SIRPG: variants seen among roughly 807,000 people sequenced by gnomAD.
The protein encoded by SIRPG is signal-regulatory protein gamma.
SIRPG carries 38 observed loss-of-function variants against 35.7 expected under a neutral mutation model. That is an observed-to-expected ratio of 1.06 (90% CI 0.82 to 1.40). The LOEUF is 1.40. Ranked by LOEUF, SIRPG falls within the 40% of genes most tolerant of loss-of-function variation. The probability of loss-of-function intolerance (pLI) is 0.00; values close to 1 mark genes in which losing one functional copy is unlikely to be tolerated. For missense variants in SIRPG, 519 were observed against 483.0 expected (o/e 1.07, Z -0.70); for synonymous variants, 215 against 190.4 (o/e 1.13, Z -1.06).
At chr20:1,667,730 G>T in the SIRPG span, among the ~76,000 whole-genome samples, 1 of 152,196 alleles carries the variant, frequency 6.6e-6, no homozygotes, top group Non-Finnish European at 1.5e-5. Flanking sequence ...GTATATGCTT[G>T]TTCATACATT....
intron 2 of SIRPG, among the ~76,000 whole-genome samples, chr20:1,642,817 T>C (rs1421089633): frequency 6.6e-6 from 1 of 152,240 alleles, no homozygotes; most frequent in East Asian, 1.9e-4. Flanking sequence ...GTATTTCTCC[T>C]TCACATATGA....
At position 1,635,377 on chromosome 20, in the gene SIRPG, T is replaced by C. The variant is rs1172046249; in HGVS notation, c.971A>G (p.Asp324Gly). Residue 324 changes from aspartate (D) to glycine (G), a missense_variant, in exon 4 of 6, where the codon GAT becomes GGT. Transcript: ENST00000303415. ...FLVNISDQRD[D>G]VVLTCQVKHD... ...CTTCACCTGGCAGGTGAGGACCACA[T>C]CATCCCTTTGGTCAGATATGTTCAC... 2 of 1,614,168 alleles carry C rather than the reference T, an allele frequency of 1.2e-6. No individual in the cohort carries two copies. The highest frequency in any genetic ancestry group is 4.5e-5 in the East Asian group (2 of 44,874).
intron 2 of SIRPG, among the ~76,000 whole-genome samples, chr20:1,641,092 A>G (rs576151932): frequency 6.6e-6 from 1 of 152,292 alleles, no homozygotes; most frequent in South Asian, 2.1e-4. Context: ...TGTCTCTGCC[A>G]GGCTTTGGCA....
chr20:1,665,678 C>G, the SIRPG span, among the ~76,000 whole-genome samples: 1 of 152,320 alleles, frequency 6.6e-6, no homozygotes, highest in East Asian at 1.9e-4. Flanking sequence ...GGACTTGTTT[C>G]TGAAAGGAGT....
the SIRPG span, among the ~76,000 whole-genome samples, chr20:1,664,729 G>A: frequency 6.6e-6 from 1 of 152,154 alleles, no homozygotes; most frequent in Non-Finnish European, 1.5e-5. Flanking sequence ...AGCCTGTTAT[G>A]TTCCCGGTGC....
chr20:1,638,221 A>C (rs1018753469), intron 2 of SIRPG, among the ~76,000 whole-genome samples: 1 of 152,126 alleles, frequency 6.6e-6, no homozygotes, highest in Non-Finnish European at 1.5e-5. Context: ...CCCTTATAGG[A>C]CCAGGGTCTG....
At chr20:1,651,614 G>A (rs146703323) in intron 1 of SIRPG, among the ~76,000 whole-genome samples, 68 of 152,180 alleles carry the variant, frequency 4.5e-4, no homozygotes, top group African/African-American at 1.3e-3. Flanking sequence ...AACACTAATG[G>A]CAATGAGGAG....
chr20:1,665,651 C>G, the SIRPG span, among the ~76,000 whole-genome samples: 3 of 152,194 alleles, frequency 2.0e-5, no homozygotes, highest in Non-Finnish European at 4.4e-5. Context: ...GGTATTCATA[C>G]ATTGCAAGGA....
chr20:1,636,558 A>G, intron 2 of SIRPG, 53 bp from the exon 3 acceptor site: 1 of 1,569,448 alleles, frequency 6.4e-7, no homozygotes, highest in East Asian at 2.2e-5. Context: ...ACAATCACTA[A>G]CGATGAGTGT....
the SIRPG span, among the ~76,000 whole-genome samples, chr20:1,662,898 C>A: frequency 1.3e-5 from 2 of 151,374 alleles, no homozygotes; most frequent in Non-Finnish European, 2.9e-5. Context: ...CCATGGTTTA[C>A]AAAATGTGTC....
At chr20:1,683,127 G>A in the SIRPG span, among the ~76,000 whole-genome samples, 429 of 152,250 alleles carry the variant, frequency 2.8e-3, 5 homozygotes, top group African/African-American at 9.7e-3. Flanking sequence ...CATTAAAATG[G>A]CCAGCAGGCA....
At chr20:1,649,789 A>T (rs1251169375) in intron 1 of SIRPG, among the ~76,000 whole-genome samples, 1 of 150,192 alleles carries the variant, frequency 6.7e-6, no homozygotes, top group Non-Finnish European at 1.5e-5. Flanking sequence ...TGTGTATACC[A>T]CCATGCCAGG....
chr20:1,668,673 T>C, the SIRPG span, among the ~76,000 whole-genome samples: 5 of 152,290 alleles, frequency 3.3e-5, no homozygotes, highest in African/African-American at 1.2e-4. Flanking sequence ...TGAAAGAGAT[T>C]TGAGAAAATT....
At chr20:1,633,078 TCAGACAC>T (rs1326345997) in intron 4 of SIRPG, among the ~76,000 whole-genome samples, 2 of 152,078 alleles carry the variant, frequency 1.3e-5, no homozygotes, top group Admixed American at 1.3e-4. Context: ...CCATAACCCT[TCAGACAC>T]CAAAAAGATA....
chr20:1,663,762 A>G, the SIRPG span, among the ~76,000 whole-genome samples: 2 of 152,290 alleles, frequency 1.3e-5, no homozygotes, highest in Admixed American at 6.5e-5. Flanking sequence ...CATTCCTGCC[A>G]TGAGCAACAG....
intron 1 of SIRPG, among the ~76,000 whole-genome samples, chr20:1,650,887 G>C (rs1006131375): frequency 2.6e-5 from 4 of 152,170 alleles, no homozygotes; most frequent in African/African-American, 9.7e-5. Flanking sequence ...TCACATACAA[G>C]AGACCCTCAG....
chr20:1,667,725 T>A, the SIRPG span, among the ~76,000 whole-genome samples: 1 of 152,234 alleles, frequency 6.6e-6, no homozygotes, highest in African/African-American at 2.4e-5. Flanking sequence ...TGGCTGTATA[T>A]GCTTGTTCAT....
chr20:1,641,888 G>A (rs2091855211), intron 2 of SIRPG, among the ~76,000 whole-genome samples: 1 of 152,172 alleles, frequency 6.6e-6, no homozygotes, highest in Non-Finnish European at 1.5e-5. Context: ...CAATTTCCAT[G>A]TAGTTGTGTG....
chr20:1,684,729 T>C, the SIRPG span, among the ~76,000 whole-genome samples: 4 of 152,224 alleles, frequency 2.6e-5, no homozygotes, highest in African/African-American at 7.2e-5. Context: ...TTGGTCCACC[T>C]GGACTTGAAT....
Sources: gnomAD v4.1 joint callset for allele counts (sites outside exome capture counted in the v4.1 genomes callset) on GRCh38, gnomAD v4.1.1 for gene constraint, MANE v1.5 for transcripts, NCBI Gene and HGNC (gene_info 2026-07-23, HGNC 2026-07-21) for gene names.